The following PHAX variants were observed in gnomAD, a reference collection of about 807,000 sequenced individuals.
PHAX encodes phosphorylated adaptor for RNA export.
PHAX carries 31 observed loss-of-function variants against 41.6 expected under a neutral mutation model. That is an observed-to-expected ratio of 0.75 (90% CI 0.56 to 1.01). The LOEUF (loss-of-function observed/expected upper bound fraction) is 1.01. PHAX is among the 50% of genes least tolerant of loss of function. The pLI is 0.00. For missense variants in PHAX, 453 were observed against 472.9 expected (o/e 0.96, Z 0.39); for synonymous variants, 175 against 164.9 (o/e 1.06, Z -0.47).
At chr5:126,606,128 G>C (rs1394696842) in intron 2 of PHAX, among the ~76,000 whole-genome samples, 1 of 151,954 alleles carries the variant, frequency 6.6e-6, no homozygotes, top group Non-Finnish European at 1.5e-5. Context: ...CCTTGCTTCT[G>C]TCAGCTAATG....
chr5:126,608,339 G>C (rs1242325462), intron 2 of PHAX, 25 bp from the exon 3 acceptor site: 1 of 1,607,004 alleles, frequency 6.2e-7, no homozygotes, highest in East Asian at 2.2e-5. Context: ...AAACAAAGAG[G>C]ATAATTTTAC....
chr5:126,609,289 C>T (rs1485498419), intron 3 of PHAX, among the ~76,000 whole-genome samples: 2 of 151,528 alleles, frequency 1.3e-5, no homozygotes, highest in Non-Finnish European at 2.9e-5. Context: ...TTAGTAGAGA[C>T]GGGGTTTCAC....
chr5:126,604,166 T>C lies in PHAX; in HGVS notation c.693T>C (p.Ala231=). The part of the protein sequence containing the change: ...ITAEDSQEKV[A]DEISFRLQEP... ...CGGAAGATTCTCAAGAGAAAGTGGC[T>C]GATGAAATTTCATTCAGGTGAGCAT... The change falls in exon 2 of 5, where the codon GCT becomes GCC. Residue 231 remains alanine, a synonymous_variant. Coordinates refer to ENST00000297540, the MANE Select transcript of PHAX (RefSeq NM_032177.4). 11 of 1,530,734 alleles carry C rather than the reference T, an allele frequency of 7.2e-6. No individual in the cohort carries two copies. Among genetic ancestry groups the C allele is most frequent in the Non-Finnish European group, 7.9e-6 (9 of 1,141,900 alleles). The allele number at this position is 1,530,734 out of a possible 1,614,324, so 94.8% of individuals were successfully genotyped here. A position where few individuals can be genotyped will look rare whatever the true frequency, so the allele number is the denominator to read the frequency against.
intron 2 of PHAX, among the ~76,000 whole-genome samples, chr5:126,604,625 G>T (rs1751962156): frequency 6.6e-6 from 1 of 151,752 alleles, no homozygotes; most frequent in African/African-American, 2.4e-5. Context: ...CTGGAGTGCA[G>T]TGCTGCAATC....
At chr5:126,605,434 C>T (rs1358295774) in intron 2 of PHAX, among the ~76,000 whole-genome samples, 1 of 152,116 alleles carries the variant, frequency 6.6e-6, no homozygotes, top group Non-Finnish European at 1.5e-5. Flanking sequence ...GCTCTGTCAC[C>T]CAGGCTGGAG....
rs1412414723 is a variant in PHAX at position 126,604,146 on chromosome 5, G to C, written c.673G>C (p.Asp225His). Residue 225 changes from aspartate (D) to histidine (H), a missense_variant, in exon 2 of 5, where the codon GAT (aspartate) becomes CAT (histidine). Physicochemically the swap from Asp to His is moderately conservative, Grantham distance 81. Coordinates refer to ENST00000297540, the MANE Select transcript of PHAX (RefSeq NM_032177.4). ...YKGRYEITAEDSQEKVADEIS... is the reference protein window; with the variant it reads ...YKGRYEITAEHSQEKVADEIS... ...AGGTCGATACGAGATCACAGCGGAAGATTCTCAAGAGAAAGTGGCTGATGA... is the reference window on the plus strand; with the variant it reads ...AGGTCGATACGAGATCACAGCGGAACATTCTCAAGAGAAAGTGGCTGATGA... 2 of 1,549,600 alleles carry C rather than the reference G, an allele frequency of 1.3e-6. No homozygotes were observed. The highest frequency in any genetic ancestry group is 8.7e-7 in the Non-Finnish European group (1 of 1,150,882).
At chr5:126,614,825 C>T (rs959417669) in intron 3 of PHAX, among the ~76,000 whole-genome samples, 1 of 152,020 alleles carries the variant, frequency 6.6e-6, no homozygotes, top group African/African-American at 2.4e-5. Context: ...GGTGCGATCT[C>T]GGCTTACTGC....
rs1286418639 is a variant in PHAX at position 126,603,996 on chromosome 5, C to G, written c.523C>G (p.Leu175Val). The change falls in exon 2 of 5, where the codon CTA becomes GTA. Residue 175 changes from leucine (L) to valine (V), a missense_variant. Coordinates refer to ENST00000297540, the MANE Select transcript of PHAX (RefSeq NM_032177.4). ...GCATACAAAAGATCTAGACAAGGAA[C>G]TAGATGAATATATGCATGGTGGCAA... Reference protein sequence around the residue: ...QEHTKDLDKELDEYMHGGKKM... With the variant: ...QEHTKDLDKEVDEYMHGGKKM... 6 of 1,613,692 alleles carry G rather than the reference C, an allele frequency of 3.7e-6. No homozygotes were observed. Among genetic ancestry groups the G allele is most frequent in the Non-Finnish European group, 5.1e-6 (6 of 1,179,964 alleles).
chr5:126,626,060 TCTC>T lies in PHAX; in HGVS notation c.*1219_*1221del, dbSNP rs1318080049. The T allele has an allele frequency of 2.0e-5, 3 of 152,190 alleles. No individual in the cohort carries two copies. Among genetic ancestry groups the T allele is most frequent in the South Asian group, 2.1e-4 (1 of 4,836 alleles). The allele number at this position is 152,190 out of a possible 1,614,324, so 9.4% of individuals were successfully genotyped here. On this transcript the variant is annotated 3_prime_UTR_variant, in exon 5 of 5. Coordinates refer to ENST00000297540, the MANE Select transcript of PHAX (RefSeq NM_032177.4). ...TAACTTGGTCATATACTAAATGTGATCTCCTGTGGATTACCACATGCATTAAAA... is the reference window on the plus strand; with the variant it reads ...TAACTTGGTCATATACTAAATGTGATCTGTGGATTACCACATGCATTAAAA...
intron 1 of PHAX, among the ~76,000 whole-genome samples, chr5:126,602,689 C>T (rs191472503): frequency 1.1e-3 from 161 of 152,200 alleles, no homozygotes; most frequent in African/African-American, 3.6e-3. Flanking sequence ...AACTTAATGC[C>T]GTGGACTCTG....
chr5:126,603,074 CAA>C lies in PHAX; in HGVS notation c.97-481_97-480del, dbSNP rs200469175. 1.8e-3 allele frequency among the ~76,000 whole-genome samples: 222 copies of C among 121,042 alleles called. 1 individual carries two copies. The highest frequency in any genetic ancestry group is 4.6e-3 in the African/African-American group (160 of 34,448). 79.4% of individuals were successfully genotyped at this position (121,042 alleles called of 152,430 possible). Reference sequence around the variant, plus strand: ...AAGACCCCGTCTCTACCAAAAAATGCAAAAAAAAAAAAAAAATAGCTGGGTAT... The same window carrying C: ...AAGACCCCGTCTCTACCAAAAAATGCAAAAAAAAAAAAAATAGCTGGGTAT... On this transcript the variant is annotated intron_variant, in intron 1 of 4. Transcript: ENST00000297540.
chr5:126,607,081 T>A lies in PHAX; in HGVS notation c.711-1283T>A, dbSNP rs144711014. ...AACATTTTCATTAGCTCTAAATTACTAATGAACAGTGTCATAAATTTGAAA... is the reference window on the plus strand; with the variant it reads ...AACATTTTCATTAGCTCTAAATTACAAATGAACAGTGTCATAAATTTGAAA... On this transcript the variant is annotated intron_variant, in intron 2 of 4. Coordinates refer to ENST00000297540, the MANE Select transcript of PHAX (RefSeq NM_032177.4). 2.0e-5 allele frequency among the ~76,000 whole-genome samples: 3 copies of A among 152,330 alleles called. No individual in the cohort carries two copies. In the East Asian group the frequency reaches 5.8e-4, roughly 29 times the overall value.
chr5:126,601,811 C>A (rs1036063392), intron 1 of PHAX, among the ~76,000 whole-genome samples: 4 of 152,174 alleles, frequency 2.6e-5, no homozygotes, highest in Admixed American at 1.3e-4. Flanking sequence ...GGATTACATG[C>A]GCCCGCTGCC....
intron 4 of PHAX, among the ~76,000 whole-genome samples, chr5:126,619,710 T>C (rs996901353): frequency 2.0e-5 from 3 of 152,146 alleles, no homozygotes; most frequent in African/African-American, 4.8e-5. Flanking sequence ...AGGTGTAGAC[T>C]CTTTAGTATT....
chr5:126,607,248 T>G (rs994560236), intron 2 of PHAX, among the ~76,000 whole-genome samples: 4 of 152,152 alleles, frequency 2.6e-5, no homozygotes, highest in African/African-American at 9.7e-5. Context: ...TTAGAGATGT[T>G]GTAAACCAAA....
intron 2 of PHAX, among the ~76,000 whole-genome samples, chr5:126,607,268 TCA>T (rs1220566963): frequency 6.6e-6 from 1 of 152,124 alleles, no homozygotes. Flanking sequence ...AACCTTCATT[TCA>T]CAGATTAATA....
At chr5:126,607,174 T>C (rs2112830491) in intron 2 of PHAX, among the ~76,000 whole-genome samples, 1 of 152,294 alleles carries the variant, frequency 6.6e-6, no homozygotes, top group East Asian at 1.9e-4. Context: ...CAAGCCTATC[T>C]GAACACCAGT....
chr5:126,626,689 A>G lies in PHAX; in HGVS notation c.*1845A>G, dbSNP rs1160937357. ...GAGGTGGAGGTTGCAGTGAGCCGAG[A>G]TCACGCCACTGCACTCCAGCCTGGC... On this transcript the variant is annotated 3_prime_UTR_variant, in exon 5 of 5. Transcript: ENST00000297540. The G allele has an allele frequency of 6.8e-6, 1 of 147,046 alleles. No individual in the cohort carries two copies. The highest frequency in any genetic ancestry group is 1.5e-5 in the Non-Finnish European group (1 of 67,626). The allele number at this position is 147,046 out of a possible 1,614,324, so 9.1% of individuals were successfully genotyped here. A position where few individuals can be genotyped will look rare whatever the true frequency, so the allele number is the denominator to read the frequency against.
Position 126,624,900 on chromosome 5 carries a change from C to A in PHAX, c.*56C>A. ...TTTCTAAAATAACATTGTAATAAAC[C>A]ATTTTTACTGAGATTGCAACGTTTT... is the stretch of plus-strand genomic sequence containing the variant. On this transcript the variant is annotated 3_prime_UTR_variant, in exon 5 of 5. Transcript: ENST00000297540. 1 of 1,477,238 alleles carries A rather than the reference C, an allele frequency of 6.8e-7. No homozygotes were observed. Among genetic ancestry groups the A allele is most frequent in the East Asian group, 2.3e-5 (1 of 43,858 alleles). The allele number at this position is 1,477,238 out of a possible 1,614,324, so 91.5% of individuals were successfully genotyped here. A position where few individuals can be genotyped will look rare whatever the true frequency, so the allele number is the denominator to read the frequency against.
Sources: allele counts gnomAD v4.1 joint callset (sites outside exome capture counted in the v4.1 genomes callset), GRCh38; gene constraint gnomAD v4.1.1; transcripts MANE v1.5; gene names NCBI Gene and HGNC (gene_info 2026-07-23, HGNC 2026-07-21).